Variants in TKFC observed in about 807,000 individuals in gnomAD.
TKFC encodes the protein triokinase and FMN cyclase.
TKFC carries 46 observed loss-of-function variants against 61.0 expected under a neutral mutation model. The ratio of observed to expected loss-of-function variants is 0.75; its 90% CI spans 0.60 to 0.96. The LOEUF is 0.96. TKFC is among the 50% of genes least tolerant of loss of function. The pLI is 0.00. For missense variants in TKFC, 715 were observed against 777.5 expected, an observed-to-expected ratio of 0.92 and a Z score of 0.96; for synonymous variants, 314 against 330.1, an observed-to-expected ratio of 0.95 and a Z score of 0.53.
rs1857254098 is a variant in TKFC at position 61,348,613 on chromosome 11, C to T, written c.*2110C>T. ...TGAGGGTGGAGCCCCAGAGAGCTCT[C>T]ACGCCCTTTCCACCATGTGAGGTTA... On this transcript the variant is annotated 3_prime_UTR_variant, in exon 18 of 18. Transcript: ENST00000394900. 2 of 553,134 alleles carry T rather than the reference C, an allele frequency of 3.6e-6. No individual in the cohort carries two copies. The highest frequency in any genetic ancestry group is 1.6e-4 in the South Asian group (2 of 12,694). The allele number at this position is 553,134 out of a possible 1,614,324, so 34.3% of individuals were successfully genotyped here. A position where few individuals can be genotyped will look rare whatever the true frequency, so the allele number is the denominator to read the frequency against.
At chr11:61,337,355 A>G (rs1856651651) in intron 2 of TKFC, among the ~76,000 whole-genome samples, 1 of 152,206 alleles carries the variant, frequency 6.6e-6, no homozygotes, top group Admixed American at 6.5e-5. Flanking sequence ...CATGTTGCCC[A>G]GGCCGGTCTC....
Position 61,334,744 on chromosome 11 carries a change from G to A in TKFC, c.3+13G>A. The A allele has an allele frequency of 6.2e-7, 1 of 1,614,058 alleles. No individual in the cohort carries two copies. The highest frequency in any genetic ancestry group is 8.5e-7 in the Non-Finnish European group (1 of 1,179,968). ...CCTCCACACCATGGTGAGTCATACA[G>A]GGCCGGGACGGGAATGGCAGCATGG... On this transcript the variant is annotated intron_variant, in intron 2 of 17. Transcript: ENST00000394900.
intron 17 of TKFC, 29 bp downstream of exon 17, chr11:61,345,975 G>A: frequency 6.2e-7 from 1 of 1,606,098 alleles, no homozygotes; most frequent in Non-Finnish European, 8.5e-7. Context: ...AGCCACCTGG[G>A]GAGACAGGCT....
At position 61,347,073 on chromosome 11, in the gene TKFC, T is replaced by C; in HGVS notation, c.*570T>C. On this transcript the variant is annotated 3_prime_UTR_variant, in exon 18 of 18. Coordinates refer to ENST00000394900, the MANE Select transcript of TKFC (RefSeq NM_015533.4). The stretch of plus-strand genomic sequence containing the variant: ...GTCTCCTCAGCTGGGCTGCTTCCAC[T>C]GAGACCCCCGACCCATCCCCTTTCC... 1.0e-6 allele frequency: 1 copy of C among 985,714 alleles called. No homozygotes were observed. The allele number at this position is 985,714 out of a possible 1,614,324, so 61.1% of individuals were successfully genotyped here. A position where few individuals can be genotyped will look rare whatever the true frequency, so the allele number is the denominator to read the frequency against.
chr11:61,338,003 G>A lies in TKFC; in HGVS notation c.66G>A (p.Val22=). The A allele has an allele frequency of 6.2e-7, 1 of 1,613,526 alleles. No individual in the cohort carries two copies. Among genetic ancestry groups the A allele is most frequent in the Non-Finnish European group, 8.5e-7 (1 of 1,179,790 alleles). ...CTGATGACGCTCTTGCTGGCCTGGT[G>A]GCCTGCAACCCCAACCTGCAGCTCC... is the stretch of plus-strand genomic sequence containing the variant. ...GCADDALAGL[V]ACNPNLQLLQ... The change falls in exon 3 of 18, where the codon GTG becomes GTA. Residue 22 remains valine (V), a synonymous_variant. Coordinates refer to ENST00000394900, the MANE Select transcript of TKFC (RefSeq NM_015533.4).
Position 61,346,247 on chromosome 11 carries a change from G to A in TKFC, c.1576-104G>A. 6.3e-7 allele frequency: 1 copy of A among 1,579,974 alleles called. No homozygotes were observed. The highest frequency in any genetic ancestry group is 8.6e-7 in the Non-Finnish European group (1 of 1,168,852). ...GAGGGTGCTGGCAGAGCCAGGGCAA[G>A]GGCGTGCAGGGCCAGGCTGCACGGC... On this transcript the variant is annotated intron_variant, in intron 17 of 17. Transcript: ENST00000394900. The surrounding 1 kb of genome is among the most constrained non-coding windows in gnomAD (Gnocchi z 4.1).
downstream of TKFC, chr11:61,353,023 G>A (rs200527395): frequency 4.2e-5 from 67 of 1,614,142 alleles, no homozygotes; most frequent in African/African-American, 4.9e-4. Flanking sequence ...CCGAAATGAC[G>A]GATGCGATGG....
chr11:61,341,424 T>C lies in TKFC; in HGVS notation c.487-12T>C, dbSNP rs1344347953. Reference sequence around the variant, plus strand: ...CCTCCCCCCTGGGGCTTTTACCTCTTTGTGGCTGCAGGTGGCAGGTGCTCT... The same window carrying C: ...CCTCCCCCCTGGGGCTTTTACCTCTCTGTGGCTGCAGGTGGCAGGTGCTCT... On this transcript the variant is annotated splice_polypyrimidine_tract_variant and intron_variant, in intron 5 of 17. Coordinates refer to ENST00000394900, the MANE Select transcript of TKFC (RefSeq NM_015533.4). 1 of 1,552,332 alleles carries C rather than the reference T, an allele frequency of 6.4e-7. No homozygotes were observed. Among genetic ancestry groups the C allele is most frequent in the East Asian group, 2.4e-5 (1 of 41,004 alleles).
intron 2 of TKFC, chr11:61,336,460 C>G (rs879633011): frequency 4.6e-5 from 7 of 152,358 alleles, no homozygotes; most frequent in Non-Finnish European, 7.3e-5. Flanking sequence ...AGGACAAAGC[C>G]AGGGGCTGCA....
intron 2 of TKFC, among the ~76,000 whole-genome samples, chr11:61,334,985 CT>C: frequency 6.6e-6 from 1 of 152,328 alleles, no homozygotes; most frequent in South Asian, 2.1e-4. Context: ...TGCCCCTTAT[CT>C]GGGTCTTGCA....
intron 5 of TKFC, 78 bp downstream of exon 5, chr11:61,339,513 C>A: frequency 7.0e-7 from 1 of 1,434,600 alleles, no homozygotes; most frequent in Non-Finnish European, 9.3e-7. Context: ...AGTAACTGGA[C>A]CTTTCCAGCC....
At position 61,342,740 on chromosome 11, in the gene TKFC, C is replaced by T. The variant is rs887236044; in HGVS notation, c.776-15C>T. On this transcript the variant is annotated splice_polypyrimidine_tract_variant and intron_variant, in intron 9 of 17. Coordinates refer to ENST00000394900, the MANE Select transcript of TKFC (RefSeq NM_015533.4). ...GCCCAGAGGGTCTCACCTGGGGTGT[C>T]ATGTCTACCCGCAGGCTCCTCAGTT... 14 of 1,613,888 alleles carry T rather than the reference C, an allele frequency of 8.7e-6. No homozygotes were observed. The highest frequency in any genetic ancestry group is 4.0e-5 in the African/African-American group (3 of 74,920).
At chr11:61,338,426 C>A (rs933311610) in intron 3 of TKFC, among the ~76,000 whole-genome samples, 5 of 152,170 alleles carry the variant, frequency 3.3e-5, no homozygotes, top group African/African-American at 1.2e-4. Flanking sequence ...AGACCCACCC[C>A]GATTCCATGA....
intron 2 of TKFC, 96 bp downstream of exon 2, chr11:61,334,827 G>A (rs560679447): frequency 6.4e-7 from 1 of 1,566,912 alleles, no homozygotes; most frequent in Non-Finnish European, 8.8e-7. Context: ...TTGACTGAGA[G>A]ATGCTATTGC....
intron 4 of TKFC, 26 bp downstream of exon 4, chr11:61,339,202 G>A (rs1856745999): frequency 6.2e-7 from 1 of 1,612,582 alleles, no homozygotes; most frequent in South Asian, 1.1e-5. Context: ...AGGAGGGGCT[G>A]CGGCAGGGAG....
At chr11:61,339,221 A>G in intron 4 of TKFC, 33 bp from the exon 5 acceptor site, 1 of 1,611,760 alleles carries the variant, frequency 6.2e-7, no homozygotes. Flanking sequence ...AGGGCACAGT[A>G]AGCACACTGA....
rs746309115 is a variant in TKFC, at chr11:61,346,553, G to A, written c.*50G>A. The A allele has an allele frequency of 7.4e-6, 11 of 1,493,806 alleles. No homozygotes were observed. In the Middle Eastern group the frequency reaches 6.6e-4, roughly 89 times the overall value. The allele number at this position is 1,493,806 out of a possible 1,614,324, so 92.5% of individuals were successfully genotyped here. The stretch of plus-strand genomic sequence containing the variant: ...TCAGCTCCTCTCACTGCTGTGCTGA[G>A]GTGGCCTTTGTCACTTCCTTCTGCC... On this transcript the variant is annotated 3_prime_UTR_variant, in exon 18 of 18. Coordinates refer to ENST00000394900, the MANE Select transcript of TKFC (RefSeq NM_015533.4). The surrounding 1 kb of genome is among the most constrained non-coding windows in gnomAD (Gnocchi z 4.1).
At position 61,343,680 on chromosome 11, in the gene TKFC, C is replaced by T. The variant is rs1470208044; in HGVS notation, c.983-176C>T. ...AGAGGCCTGACCCTTTCCCAGGGACCCTCTCTCCATACCCCTGTATACAGT... is the reference window on the plus strand; with the variant it reads ...AGAGGCCTGACCCTTTCCCAGGGACTCTCTCTCCATACCCCTGTATACAGT... On this transcript the variant is annotated intron_variant, in intron 11 of 17. Transcript: ENST00000394900. The T allele has an allele frequency of 3.9e-5, 40 of 1,021,262 alleles. No individual in the cohort carries two copies. The Admixed American group carries it at 7.4e-4, about 19-fold the overall frequency. The allele number at this position is 1,021,262 out of a possible 1,614,324, so 63.3% of individuals were successfully genotyped here.
chr11:61,343,983 C>T lies in TKFC; in HGVS notation c.1102+8C>T. 6.2e-7 allele frequency: 1 copy of T among 1,610,230 alleles called. No individual in the cohort carries two copies. Among genetic ancestry groups the T allele is most frequent in the Admixed American group, 1.7e-5 (1 of 59,936 alleles). ...ATTCCACTGCTGCAGGAGGTACCAA[C>T]CCCTGCCTTTGGGGAAGGGACAGGC... On this transcript the variant is annotated splice_region_variant and intron_variant, in intron 12 of 17. Transcript: ENST00000394900.
Sources: gnomAD v4.1 joint callset for allele counts (sites outside exome capture counted in the v4.1 genomes callset) on GRCh38, gnomAD v4.1.1 for gene constraint, Gnocchi (gnomAD v3.1) non-coding constraint, MANE v1.5 for transcripts, NCBI Gene and HGNC (gene_info 2026-07-23, HGNC 2026-07-21) for gene names.